FHIT: variants seen among roughly 807,000 people sequenced by gnomAD.
FHIT encodes fragile histidine triad diadenosine triphosphatase.
A neutral mutation model predicts 17.9 loss-of-function variants in FHIT; 19 were observed. That is an observed-to-expected ratio of 1.06 (90% confidence interval 0.74 to 1.56). The LOEUF is 1.56. Ranked by LOEUF, FHIT falls within the 40% of genes most tolerant of loss-of-function variation. The pLI, the probability that FHIT is intolerant of heterozygous loss-of-function variation, is 0.00. For missense variants in FHIT, 248 were observed against 189.2 expected (o/e 1.31, Z -1.82); for synonymous variants, 81 against 69.7 (o/e 1.16, Z -0.81).
intron 8 of FHIT, among the ~76,000 whole-genome samples, chr3:59,766,040 C>G (rs1701779402): frequency 6.6e-6 from 1 of 152,098 alleles, no homozygotes; most frequent in South Asian, 2.1e-4. Context: ...AGTCACAAAG[C>G]AATGGTGAGC....
chr3:59,937,185 CTT>C (rs1375703070), intron 7 of FHIT, among the ~76,000 whole-genome samples: 3 of 152,136 alleles, frequency 2.0e-5, no homozygotes, highest in Non-Finnish European at 4.4e-5. Flanking sequence ...TTCAGATAAT[CTT>C]TGCAAATTGT....
At position 59,922,333 on chromosome 3, in the gene FHIT, A is replaced by G. The variant is rs777512676; in HGVS notation, c.348+13T>C. ...CCGTGATCAAACAATAAGATCAGAG[A>G]GAACAGACCCACCTCCTCATAGATG... is the stretch of plus-strand genomic sequence containing the variant. On this transcript the variant is annotated intron_variant, in intron 8 of 9. Coordinates refer to ENST00000492590, the MANE Select transcript of FHIT (RefSeq NM_002012.4). 4 of 1,608,982 alleles carry G rather than the reference A, an allele frequency of 2.5e-6. No homozygotes were observed. The highest frequency in any genetic ancestry group is 3.4e-6 in the Non-Finnish European group (4 of 1,175,512).
At chr3:59,939,653 C>T (rs1706414652) in intron 7 of FHIT, among the ~76,000 whole-genome samples, 1 of 152,176 alleles carries the variant, frequency 6.6e-6, no homozygotes, top group South Asian at 2.1e-4. Flanking sequence ...TGGCTTAGGA[C>T]ACTGCTGAGC....
intron 7 of FHIT, among the ~76,000 whole-genome samples, chr3:59,981,167 A>G (rs1708637457): frequency 1.3e-5 from 2 of 152,150 alleles, no homozygotes; most frequent in African/African-American, 4.8e-5. Context: ...TATTACAAAA[A>G]CCTTCTTAGA....
intron 8 of FHIT, among the ~76,000 whole-genome samples, chr3:59,765,980 A>C (rs293606): frequency 0.63 from 96,010 of 151,972 alleles, 31,341 homozygotes; most frequent in East Asian, 0.88. Context: ...AAAGACAATA[A>C]AAATATACAC....
intron 7 of FHIT, among the ~76,000 whole-genome samples, chr3:59,978,483 C>A (rs979507068): frequency 6.6e-6 from 1 of 151,640 alleles, no homozygotes; most frequent in Non-Finnish European, 1.5e-5. Flanking sequence ...TTATTAAATG[C>A]CTTACTATAA....
intron 5 of FHIT, among the ~76,000 whole-genome samples, chr3:60,356,745 G>T (rs1699668502): frequency 3.5e-5 from 1 of 28,274 alleles, no homozygotes. Context: ...ATAGCAGGAA[G>T]ACAGAGACAA....
chr3:60,011,422 C>T (rs753148209), intron 6 of FHIT, 22 bp from the exon 7 acceptor site: 1 of 1,608,694 alleles, frequency 6.2e-7, no homozygotes, highest in Non-Finnish European at 8.5e-7. Flanking sequence ...AAAAAACCAA[C>T]AGAGGTGAGA....
intron 5 of FHIT, among the ~76,000 whole-genome samples, chr3:60,470,866 C>A (rs1344387720): frequency 1.3e-5 from 2 of 152,178 alleles, no homozygotes; most frequent in Non-Finnish European, 2.9e-5. Flanking sequence ...AGGCCTGCAG[C>A]AAGTACTGCT....
chr3:60,507,311 G>A (rs554196802), intron 5 of FHIT, among the ~76,000 whole-genome samples: 47 of 152,304 alleles, frequency 3.1e-4, no homozygotes, highest in African/African-American at 1.1e-3. Context: ...GTGGAGGAAT[G>A]AAAGAGGCTA....
chr3:60,545,770 T>G (rs1451292013), intron 4 of FHIT, among the ~76,000 whole-genome samples: 1 of 152,236 alleles, frequency 6.6e-6, no homozygotes, highest in Non-Finnish European at 1.5e-5. Context: ...AGTTGAAGCT[T>G]GTGTCTAATC....
intron 2 of FHIT, among the ~76,000 whole-genome samples, chr3:61,114,634 A>T (rs1274170694): frequency 2.0e-5 from 3 of 152,160 alleles, no homozygotes; most frequent in Non-Finnish European, 4.4e-5. Flanking sequence ...AGCTGTGAGT[A>T]AAAAGAACCT....
intron 5 of FHIT, among the ~76,000 whole-genome samples, chr3:60,427,367 C>G (rs241691): frequency 0.09 from 13,695 of 152,092 alleles, 699 homozygotes; most frequent in Middle Eastern, 0.17. Flanking sequence ...GTCAAGCAAG[C>G]CTCCAGATAA....
At chr3:60,153,364 G>GAAAAAA (rs71089587) in intron 5 of FHIT, among the ~76,000 whole-genome samples, 2 of 106,506 alleles carry the variant, frequency 1.9e-5, no homozygotes, top group African/African-American at 3.6e-5. Context: ...CAATTCACCA[G>GAAAAAA]AAAAAAAAAA....
chr3:60,307,160 A>G (rs535029415), intron 5 of FHIT, among the ~76,000 whole-genome samples: 4 of 152,310 alleles, frequency 2.6e-5, no homozygotes, highest in African/African-American at 7.2e-5. Context: ...TAAGGCTCTC[A>G]TCTCACAGAG....
intron 5 of FHIT, among the ~76,000 whole-genome samples, chr3:60,216,763 T>C (rs988029000): frequency 1.3e-5 from 2 of 152,162 alleles, no homozygotes; most frequent in African/African-American, 4.8e-5. Flanking sequence ...ACAAAATTGA[T>C]TTTTCCAGAC....
chr3:61,041,966 C>A (rs1472555766), intron 3 of FHIT, 81 bp downstream of exon 3: 2 of 152,178 alleles, frequency 1.3e-5, no homozygotes, highest in African/African-American at 4.8e-5. Context: ...TATTTTTGAA[C>A]AGACCCGCTT....
intron 1 of FHIT, among the ~76,000 whole-genome samples, chr3:61,238,111 A>G (rs913308233): frequency 1.3e-5 from 2 of 152,160 alleles, no homozygotes; most frequent in African/African-American, 2.4e-5. Flanking sequence ...CTGCCCTCAT[A>G]GTGCTATCTT....
At chr3:59,936,026 A>T (rs1306612695) in intron 7 of FHIT, among the ~76,000 whole-genome samples, 1 of 152,160 alleles carries the variant, frequency 6.6e-6, no homozygotes, top group Non-Finnish European at 1.5e-5. Context: ...CCTCACATAA[A>T]TCCCTTTTAA....
Sources: gnomAD v4.1 joint callset for allele counts (sites outside exome capture counted in the v4.1 genomes callset) on GRCh38, gnomAD v4.1.1 for gene constraint, MANE v1.5 for transcripts, NCBI Gene and HGNC (gene_info 2026-07-23, HGNC 2026-07-21) for gene names.